RAB38: variants seen among roughly 807,000 people sequenced by gnomAD.
RAB38 encodes RAB38, member RAS oncogene family, also known as ras-related protein Rab-38.
Under a neutral mutation model 18.4 loss-of-function variants are expected in RAB38, and 15 were observed. The observed-to-expected ratio is 0.82, with a 90% CI of 0.55 to 1.26. The LOEUF is 1.26. RAB38 is among the 50% of genes most tolerant of loss of function. RAB38 has a pLI of 0.00. For missense variants in RAB38, 294 were observed against 267.4 expected, an observed-to-expected ratio of 1.10 and a Z score of -0.69; for synonymous variants, 101 against 104.4, an observed-to-expected ratio of 0.97 and a Z score of 0.20.
At chr11:87,950,961 G>A in the RAB38 span, among the ~76,000 whole-genome samples, 1 of 152,152 alleles carries the variant, frequency 6.6e-6, no homozygotes, top group South Asian at 2.1e-4. Context: ...AGTTCTCCTG[G>A]ATAATATCCT....
the RAB38 span, among the ~76,000 whole-genome samples, chr11:87,817,990 G>C: frequency 6.6e-6 from 1 of 152,154 alleles, no homozygotes; most frequent in Non-Finnish European, 1.5e-5. Flanking sequence ...GGTTCTAAAA[G>C]CATCCCTTGG....
At chr11:88,154,379 G>A (rs1943100261) in intron 1 of RAB38, among the ~76,000 whole-genome samples, 1 of 152,230 alleles carries the variant, frequency 6.6e-6, no homozygotes, top group African/African-American at 2.4e-5. Flanking sequence ...CTAGAAGTGT[G>A]TTCTCCTCTG....
At chr11:88,092,378 GAGAGAGAGAGAGAGAGAGA>G in the RAB38 span, among the ~76,000 whole-genome samples, 1 of 27,954 alleles carries the variant, frequency 3.6e-5, no homozygotes, top group African/African-American at 1.2e-4. Flanking sequence ...GAGAGAGAGA[GAGAGAGAGAGAGAGAGAGA>G]GAGAGAGAGA....
the RAB38 span, among the ~76,000 whole-genome samples, chr11:87,889,024 C>T: frequency 0.77 from 116,374 of 151,894 alleles, 45,665 homozygotes; most frequent in East Asian, 0.91. Flanking sequence ...GGGAAAAACA[C>T]ACAGAACAGA....
chr11:88,011,591 G>C, the RAB38 span, among the ~76,000 whole-genome samples: 1 of 152,166 alleles, frequency 6.6e-6, no homozygotes, highest in Admixed American at 6.5e-5. Flanking sequence ...AAGATTTCCA[G>C]AAAATTAAAA....
At chr11:87,821,522 A>G in the RAB38 span, among the ~76,000 whole-genome samples, 1 of 152,202 alleles carries the variant, frequency 6.6e-6, no homozygotes, top group South Asian at 2.1e-4. Context: ...AAAGTAGTAA[A>G]TTTGTGACTA....
the RAB38 span, among the ~76,000 whole-genome samples, chr11:87,897,545 A>G: frequency 2.5e-4 from 38 of 151,746 alleles, no homozygotes; most frequent in African/African-American, 8.7e-4. Context: ...TTCTTTTTTA[A>G]TAAAACTGAA....
chr11:87,957,153 A>C, the RAB38 span, among the ~76,000 whole-genome samples: 2 of 152,116 alleles, frequency 1.3e-5, no homozygotes, highest in Non-Finnish European at 2.9e-5. Context: ...CCACAAATTG[A>C]TTCCCCCTTT....
chr11:87,855,416 T>G, the RAB38 span, among the ~76,000 whole-genome samples: 1 of 152,140 alleles, frequency 6.6e-6, no homozygotes, highest in Non-Finnish European at 1.5e-5. Flanking sequence ...CTTACTGAGG[T>G]TGTATATCAA....
At chr11:87,938,589 TTC>T in the RAB38 span, among the ~76,000 whole-genome samples, 1 of 151,154 alleles carries the variant, frequency 6.6e-6, no homozygotes, top group African/African-American at 2.4e-5. Context: ...AGGTTTTTTT[TTC>T]TTTCTTTCTT....
rs1179851957 is a variant in RAB38 at position 88,149,704 on chromosome 11, A to T, written c.454T>A (p.Phe152Ile). The change falls in exon 2 of 3, where the codon TTC becomes ATC. Residue 152 changes from phenylalanine to isoleucine, a missense_variant. By Grantham distance (21) the Phe-to-Ile change is conservative. Transcript: ENST00000243662. ...GCTGATGTTTCAAACCATCCTACGA[A>T]ACCGTGCTCCTTGCAGAACTGGTCC... ...KMDQFCKEHG[F>I]VGWFETSAKE... 1 of 1,612,586 alleles carries T rather than the reference A, an allele frequency of 6.2e-7. No individual in the cohort carries two copies.
the RAB38 span, among the ~76,000 whole-genome samples, chr11:88,018,798 T>C: frequency 9.9e-5 from 15 of 152,184 alleles, no homozygotes. Flanking sequence ...GTTACATCTT[T>C]AGAATTTGTA....
chr11:88,010,643 A>G, the RAB38 span, among the ~76,000 whole-genome samples: 3 of 151,970 alleles, frequency 2.0e-5, no homozygotes, highest in East Asian at 5.8e-4. Context: ...TGGAGGGATG[A>G]CTCCTTATTT....
the RAB38 span, among the ~76,000 whole-genome samples, chr11:87,965,945 A>G: frequency 6.6e-6 from 1 of 152,174 alleles, no homozygotes; most frequent in Non-Finnish European, 1.5e-5. Context: ...AAACAATGTT[A>G]TGTATCTGCT....
chr11:87,937,279 T>A, the RAB38 span, among the ~76,000 whole-genome samples: 1 of 141,434 alleles, frequency 7.1e-6, no homozygotes, highest in East Asian at 2.1e-4. Context: ...AGAACCAGCC[T>A]TGCATTCCTC....
At chr11:87,946,484 C>G in the RAB38 span, among the ~76,000 whole-genome samples, 1 of 152,088 alleles carries the variant, frequency 6.6e-6, no homozygotes, top group Non-Finnish European at 1.5e-5. Context: ...TGGTGTGCTG[C>G]ACCCATTAAC....
the RAB38 span, among the ~76,000 whole-genome samples, chr11:87,864,973 C>G: frequency 6.6e-6 from 1 of 151,724 alleles, no homozygotes; most frequent in Non-Finnish European, 1.5e-5. Context: ...ATTGAGTAAA[C>G]AGGACCATTC....
chr11:87,941,125 G>A, the RAB38 span, among the ~76,000 whole-genome samples: 3 of 146,374 alleles, frequency 2.0e-5, no homozygotes, highest in Non-Finnish European at 3.0e-5. Context: ...TATATTAGAC[G>A]CTAATTATTT....
chr11:87,897,533 TGTTC>T, the RAB38 span, among the ~76,000 whole-genome samples: 1 of 151,642 alleles, frequency 6.6e-6, no homozygotes, highest in Non-Finnish European at 1.5e-5. Flanking sequence ...GATTTGTTGT[TGTTC>T]TTTTTTAATA....
Sources: allele counts gnomAD v4.1 joint callset (sites outside exome capture counted in the v4.1 genomes callset), GRCh38; gene constraint gnomAD v4.1.1; transcripts MANE v1.5; gene names NCBI Gene and HGNC (gene_info 2026-07-23, HGNC 2026-07-21).